The following KLHL32 variants were observed in gnomAD, a reference collection of about 807,000 sequenced individuals.
The protein encoded by KLHL32 is kelch like family member 32.
A neutral mutation model predicts 64.8 loss-of-function variants in KLHL32; 35 were observed. The observed-to-expected ratio is 0.54, with a 90% CI of 0.41 to 0.72. The LOEUF is 0.72. Ranked by LOEUF, KLHL32 falls within the 30% of genes least tolerant of loss-of-function variation. The pLI, the probability that KLHL32 is intolerant of heterozygous loss-of-function variation, is 0.00. For synonymous variants in KLHL32, 259 were observed against 281.0 expected (o/e 0.92, Z 0.78); for missense variants, 589 against 768.5 (o/e 0.77, Z 2.76).
intron 1 of KLHL32, among the ~76,000 whole-genome samples, chr6:96,953,451 G>A (rs1582459612): frequency 2.0e-5 from 3 of 152,154 alleles, no homozygotes; most frequent in South Asian, 2.1e-4. Context: ...CCAACATGGC[G>A]AAACCCTGTT....
At chr6:97,086,718 C>T (rs1249123679) in intron 6 of KLHL32, among the ~76,000 whole-genome samples, 1 of 152,140 alleles carries the variant, frequency 6.6e-6, no homozygotes, top group Non-Finnish European at 1.5e-5. Context: ...TTTGTTCAGG[C>T]AGAGGTTGAA....
intron 10 of KLHL32, among the ~76,000 whole-genome samples, chr6:97,136,079 C>A (rs1799975508): frequency 6.6e-6 from 1 of 152,148 alleles, no homozygotes; most frequent in African/African-American, 2.4e-5. Context: ...AGTCACAAAT[C>A]TGTATATTTG....
At chr6:97,095,330 T>C (rs1393763072) in intron 6 of KLHL32, among the ~76,000 whole-genome samples, 2 of 152,182 alleles carry the variant, frequency 1.3e-5, no homozygotes, top group Admixed American at 1.3e-4. Flanking sequence ...AAAGTGTAAA[T>C]AATGAAGTAA....
chr6:97,107,341 T>C (rs1583049535), intron 6 of KLHL32, among the ~76,000 whole-genome samples: 1 of 152,252 alleles, frequency 6.6e-6, no homozygotes, highest in South Asian at 2.1e-4. Flanking sequence ...GCCTGGATTT[T>C]CCCTTGAAAT....
intron 6 of KLHL32, among the ~76,000 whole-genome samples, chr6:97,104,757 A>AT (rs1457140198): frequency 6.6e-6 from 1 of 152,192 alleles, no homozygotes; most frequent in Non-Finnish European, 1.5e-5. Context: ...CACTGTTATA[A>AT]TTTTTAATAT....
Position 96,974,132 on chromosome 6 carries a change from T to C in KLHL32, c.24-1865T>C, listed in dbSNP as rs117713617. ...ACCTTCAGTTTTTCTATCTGTAAAATAGAGATAATAATAGTACCTGCCTCA... is the reference window on the plus strand; with the variant it reads ...ACCTTCAGTTTTTCTATCTGTAAAACAGAGATAATAATAGTACCTGCCTCA... On this transcript the variant is annotated intron_variant, in intron 2 of 10. Transcript: ENST00000369261. Among the ~76,000 whole-genome samples, 669 of 152,210 alleles carry C rather than the reference T, an allele frequency of 4.4e-3. 4 individuals carry two copies. Among genetic ancestry groups the C allele is most frequent in the Non-Finnish European group, 7.6e-3 (516 of 68,012 alleles).
intron 1 of KLHL32, among the ~76,000 whole-genome samples, chr6:96,949,923 A>G (rs1772367282): frequency 6.6e-6 from 1 of 152,082 alleles, no homozygotes; most frequent in African/African-American, 2.4e-5. Flanking sequence ...CTTTTTTAAT[A>G]GTAAAATTAT....
intron 6 of KLHL32, among the ~76,000 whole-genome samples, chr6:97,100,403 G>C (rs1795549681): frequency 6.6e-6 from 1 of 152,156 alleles, no homozygotes; most frequent in African/African-American, 2.4e-5. Flanking sequence ...CCCTTCCCCA[G>C]CCCTACCAGC....
chr6:97,015,969 T>G (rs1781129959), intron 3 of KLHL32, among the ~76,000 whole-genome samples: 1 of 152,126 alleles, frequency 6.6e-6, no homozygotes, highest in African/African-American at 2.4e-5. Flanking sequence ...CCATGTGATG[T>G]TGGGGCTGTG....
intron 1 of KLHL32, among the ~76,000 whole-genome samples, chr6:96,933,548 A>G: frequency 6.6e-6 from 1 of 152,164 alleles, no homozygotes; most frequent in East Asian, 1.9e-4. Flanking sequence ...TGCTCTCAAG[A>G]ACTTCCTTAG....
intron 7 of KLHL32, among the ~76,000 whole-genome samples, chr6:97,123,715 C>A (rs200610964): frequency 6.6e-6 from 1 of 151,992 alleles, no homozygotes. Flanking sequence ...GGAGGGAGAT[C>A]AAAACTGCCA....
At chr6:96,941,590 A>G (rs963947884) in intron 1 of KLHL32, among the ~76,000 whole-genome samples, 3 of 152,198 alleles carry the variant, frequency 2.0e-5, no homozygotes, top group Admixed American at 6.5e-5. Context: ...CCAAAAAACA[A>G]TCAAGGTAAG....
At chr6:96,952,795 A>G (rs1772785371) in intron 1 of KLHL32, among the ~76,000 whole-genome samples, 1 of 152,230 alleles carries the variant, frequency 6.6e-6, no homozygotes, top group African/African-American at 2.4e-5. Context: ...TCACTATTGT[A>G]GAACCTAAGG....
At chr6:97,118,544 G>C (rs1010213814) in intron 7 of KLHL32, among the ~76,000 whole-genome samples, 1 of 151,270 alleles carries the variant, frequency 6.6e-6, no homozygotes, top group Non-Finnish European at 1.5e-5. Flanking sequence ...GCTTGAACCC[G>C]GGAGGTGGAG....
At chr6:97,116,214 A>T (rs961103370) in intron 7 of KLHL32, among the ~76,000 whole-genome samples, 11 of 152,270 alleles carry the variant, frequency 7.2e-5, no homozygotes, top group Non-Finnish European at 1.5e-4. Flanking sequence ...AAGAAACATT[A>T]GAAACAAGTA....
chr6:96,931,539 CT>C, intron 1 of KLHL32, among the ~76,000 whole-genome samples: 1 of 152,266 alleles, frequency 6.6e-6, no homozygotes, highest in East Asian at 1.9e-4. Flanking sequence ...TAAATGTGTT[CT>C]GCTTATACCT....
chr6:97,084,924 T>G (rs1793153505), intron 5 of KLHL32, among the ~76,000 whole-genome samples: 1 of 152,070 alleles, frequency 6.6e-6, no homozygotes, highest in South Asian at 2.1e-4. Flanking sequence ...AGGAGTAAAA[T>G]GAGGAAAAAT....
In KLHL32 at chr6:97,091,049, C is replaced by A. The variant is rs181698697; in HGVS notation, c.627+5708C>A. 9.2e-5 allele frequency among the ~76,000 whole-genome samples: 14 copies of A among 152,270 alleles called. No homozygotes were observed. The East Asian group carries it at 1.7e-3, about 19-fold the overall frequency. On this transcript the variant is annotated intron_variant, in intron 6 of 10. Transcript: ENST00000369261. ...GACCAGCCTGTGCAACATAGTGAGA[C>A]CCCTGTCTCTACGAAAATATTAGCT...
At chr6:96,980,611 C>T (rs115186128) in intron 3 of KLHL32, among the ~76,000 whole-genome samples, 1 of 151,960 alleles carries the variant, frequency 6.6e-6, no homozygotes, top group Non-Finnish European at 1.5e-5. Flanking sequence ...AGGATACTGG[C>T]CTGAATTTTC....
Sources: allele counts gnomAD v4.1 joint callset (sites outside exome capture counted in the v4.1 genomes callset), GRCh38; gene constraint gnomAD v4.1.1; transcripts MANE v1.5; gene names NCBI Gene and HGNC (gene_info 2026-07-23, HGNC 2026-07-21).